GLI3: variants seen among roughly 807,000 people sequenced by gnomAD.
GLI3 encodes the protein transcription activator GLI3.
In GLI3, 20 loss-of-function variants were observed where a neutral mutation model predicts 100.8. That is an observed-to-expected ratio of 0.20 (90% CI 0.14 to 0.29). The LOEUF (loss-of-function observed/expected upper bound fraction) is 0.29. Ranked by LOEUF, GLI3 falls within the 10% of genes least tolerant of loss-of-function variation. The pLI, the probability that GLI3 is intolerant of heterozygous loss-of-function variation, is 1.00. For missense variants in GLI3, 2,040 were observed against 2,128.5 expected, an observed-to-expected ratio of 0.96 and a Z score of 0.82; for synonymous variants, 938 against 860.5, an observed-to-expected ratio of 1.09 and a Z score of -1.58.
chr7:41,965,209 C>A lies in GLI3; in HGVS notation c.3864G>T (p.Gly1288=). The change falls in exon 15 of 15, where the codon GGG becomes GGT. Residue 1288 remains glycine, a synonymous_variant. Transcript: ENST00000395925. The part of the protein sequence containing the change: ...ASKLKSTPMQ[G]SGGQLNFGLP... The stretch of plus-strand genomic sequence containing the variant: ...GGCCGAAATTCAGCTGGCCCCCGCT[C>A]CCTTGCATGGGGGTGCTCTTCAGCT... 1 of 1,613,928 alleles carries A rather than the reference C, an allele frequency of 6.2e-7. No homozygotes were observed. The highest frequency in any genetic ancestry group is 8.5e-7 in the Non-Finnish European group (1 of 1,180,034).
chr7:42,034,516 C>G (rs984781174), intron 7 of GLI3, among the ~76,000 whole-genome samples: 5 of 152,182 alleles, frequency 3.3e-5, no homozygotes, highest in Non-Finnish European at 7.3e-5. Context: ...TGTGGTATAA[C>G]TTGGACCCTG....
chr7:42,145,897 T>C (rs3823728), intron 3 of GLI3, among the ~76,000 whole-genome samples: 23,444 of 152,134 alleles, frequency 0.15, 2,001 homozygotes, highest in Non-Finnish European at 0.19. Flanking sequence ...CAGGCAGTCA[T>C]ATTATCACCC....
chr7:42,151,399 A>G (rs554043599), intron 2 of GLI3: 1 of 152,368 alleles, frequency 6.6e-6, no homozygotes, highest in East Asian at 1.9e-4. Context: ...CAACCACTTC[A>G]GCAAGCCAAA....
chr7:42,244,301 A>G (rs905492668), intron 1 of GLI3, among the ~76,000 whole-genome samples: 7 of 152,174 alleles, frequency 4.6e-5, no homozygotes, highest in East Asian at 1.9e-4. Flanking sequence ...TATTTGAAAT[A>G]ACAATGAAAA....
intron 1 of GLI3, among the ~76,000 whole-genome samples, chr7:42,259,469 GACA>G (rs1404250650): frequency 7.2e-5 from 11 of 152,128 alleles, no homozygotes; most frequent in Admixed American, 3.3e-4. Flanking sequence ...AAACAAAAAT[GACA>G]ACAATTATAA....
In GLI3 at chr7:41,964,370, G is replaced by A. The variant is rs747943668; in HGVS notation, c.4703C>T (p.Ser1568Phe). ...AAGGAATTTGCTTTCTTCCGCTAGG[G>A]AGGTCAGCAAAGAACTCATGTCCCC... ...AIGDMSSLLT[S>F]LAEESKFLAV... is the part of the protein sequence containing the mutation. Residue 1568 changes from serine to phenylalanine, a missense_variant, in exon 15 of 15, where the codon TCC becomes TTC. Around this residue, in one of 5 missense-constraint regions of GLI3, gnomAD observed 1,041 missense variants for 924.0 expected, o/e 1.13. Transcript: ENST00000395925. 3.1e-6 allele frequency: 5 copies of A among 1,614,184 alleles called. No homozygotes were observed. In the South Asian group the frequency reaches 5.5e-5, roughly 18 times the overall value.
At position 42,206,093 on chromosome 7, in the gene GLI3, C is replaced by T. The variant is rs183383704; in HGVS notation, c.124+17037G>A. Among the ~76,000 whole-genome samples, 718 of 152,052 alleles carry T rather than the reference C, an allele frequency of 4.7e-3. 5 individuals carry two copies. Among genetic ancestry groups the T allele is most frequent in the African/African-American group, 0.016 (676 of 41,482 alleles). ...GACCAGCCTGACCAATATGGTGAAA[C>T]CCCATCTCTACTAAAAATACAAAAA... On this transcript the variant is annotated intron_variant, in intron 2 of 14. Transcript: ENST00000395925.
chr7:42,101,788 A>T (rs1159951636), intron 3 of GLI3, among the ~76,000 whole-genome samples: 1 of 147,700 alleles, frequency 6.8e-6, no homozygotes, highest in South Asian at 2.2e-4. Context: ...TGCACCCACT[A>T]ACTCGTCATC....
chr7:42,123,238 TACACTC>T (rs938294338), intron 3 of GLI3, among the ~76,000 whole-genome samples: 6 of 152,208 alleles, frequency 3.9e-5, no homozygotes, highest in Admixed American at 2.0e-4. Context: ...GAGAGAGAAT[TACACTC>T]AACCAACATT....
intron 4 of GLI3, among the ~76,000 whole-genome samples, chr7:42,063,135 G>A (rs77922342): frequency 0.025 from 3,778 of 152,126 alleles, 145 homozygotes; most frequent in African/African-American, 0.085. Context: ...ATTTTGCAAG[G>A]TTTAGGCAGC....
intron 10 of GLI3, among the ~76,000 whole-genome samples, chr7:42,013,592 T>C (rs545204515): frequency 7.2e-5 from 11 of 152,094 alleles, no homozygotes; most frequent in Middle Eastern, 3.2e-3. Context: ...AGGATGGTCT[T>C]GAACTCCTAA....
intron 1 of GLI3, among the ~76,000 whole-genome samples, chr7:42,256,274 T>C (rs1189003586): frequency 6.6e-6 from 1 of 152,066 alleles, no homozygotes; most frequent in African/African-American, 2.4e-5. Flanking sequence ...AGCACAAAAG[T>C]TTTTAATGTT....
intron 14 of GLI3, among the ~76,000 whole-genome samples, chr7:41,967,352 G>C (rs1266748368): frequency 6.6e-6 from 1 of 152,146 alleles, no homozygotes; most frequent in Admixed American, 6.5e-5. Flanking sequence ...TAACAGTTAT[G>C]ATTTCACCAT....
intron 3 of GLI3, among the ~76,000 whole-genome samples, chr7:42,126,072 T>C (rs73325661): frequency 0.047 from 7,141 of 152,136 alleles, 579 homozygotes; most frequent in African/African-American, 0.16. Context: ...AGAAAAATAT[T>C]TAAAACACAC....
At chr7:42,143,704 A>G (rs1786629078) in intron 3 of GLI3, among the ~76,000 whole-genome samples, 1 of 152,254 alleles carries the variant, frequency 6.6e-6, no homozygotes, top group Non-Finnish European at 1.5e-5. Flanking sequence ...TTTGCTAATT[A>G]GCAACCAATA....
At chr7:42,142,934 C>CA (rs11287528) in intron 3 of GLI3, among the ~76,000 whole-genome samples, 2,435 of 76,850 alleles carry the variant, frequency 0.032, 68 homozygotes, top group African/African-American at 0.082. Context: ...ACTCTGTCTC[C>CA]AAAAAAAAAA....
intron 2 of GLI3, among the ~76,000 whole-genome samples, chr7:42,174,427 C>G (rs1458904983): frequency 1.3e-5 from 2 of 152,196 alleles, no homozygotes; most frequent in African/African-American, 4.8e-5. Context: ...CTTCTTCCAA[C>G]TGAATTCACC....
rs1014752705 is a variant in GLI3, at chr7:42,148,488, G to A, written c.125-20C>T. The A allele has an allele frequency of 1.9e-6, 3 of 1,609,084 alleles. No homozygotes were observed. Among genetic ancestry groups the A allele is most frequent in the African/African-American group, 1.3e-5 (1 of 74,826 alleles). On this transcript the variant is annotated intron_variant, in intron 2 of 14. Coordinates refer to ENST00000395925, the MANE Select transcript of GLI3 (RefSeq NM_000168.6). ...CATCCTCTAAAGAAAGAAGAAAAAT[G>A]AAAGACTCTGTAAACTACTTTAAGG...
intron 3 of GLI3, 73 bp from the exon 4 acceptor site, chr7:42,076,930 T>C (rs1372904262): frequency 8.1e-6 from 7 of 864,744 alleles, no homozygotes; most frequent in Non-Finnish European, 1.2e-5. Flanking sequence ...CAAAGCAACA[T>C]TGCTATACTA....
Sources: gnomAD v4.1 joint callset for allele counts (sites outside exome capture counted in the v4.1 genomes callset) on GRCh38, gnomAD v4.1.1 for gene constraint, gnomAD v4.1.1 regional missense constraint, MANE v1.5 for transcripts, NCBI Gene and HGNC (gene_info 2026-07-23, HGNC 2026-07-21) for gene names.